PTPRJ: variants seen among roughly 807,000 people sequenced by gnomAD.
The protein encoded by PTPRJ is receptor-type tyrosine-protein phosphatase eta.
In PTPRJ, 129 loss-of-function variants were observed where a neutral mutation model predicts 141.3. That is an observed-to-expected ratio of 0.91 (90% CI 0.79 to 1.06). The LOEUF (loss-of-function observed/expected upper bound fraction) is 1.06, where lower values mean the gene tolerates loss of function less well. Ranked by LOEUF, PTPRJ falls within the 50% of genes least tolerant of loss-of-function variation. The pLI, the probability that PTPRJ is intolerant of heterozygous loss-of-function variation, is 0.00. For synonymous variants in PTPRJ, 610 were observed against 640.5 expected (o/e 0.95, Z 0.72); for missense variants, 1,601 against 1,679.7 (o/e 0.95, Z 0.82).
At chr11:48,146,770 A>T in intron 14 of PTPRJ, 106 bp from the exon 15 acceptor site, 1 of 812,928 alleles carries the variant, frequency 1.2e-6, no homozygotes, top group Non-Finnish European at 2.2e-6. Flanking sequence ...TGTGTATGGT[A>T]TACACACTTT....
At chr11:48,076,776 G>A (rs1277670306) in intron 1 of PTPRJ, among the ~76,000 whole-genome samples, 2 of 147,768 alleles carry the variant, frequency 1.4e-5, no homozygotes, top group Non-Finnish European at 3.0e-5. Flanking sequence ...ACATAAGCCA[G>A]TGAAGTTCCA....
chr11:48,139,697 G>T lies in PTPRJ; in HGVS notation c.2364G>T (p.Ser788=). 1 of 1,614,060 alleles carries T rather than the reference G, an allele frequency of 6.2e-7. No individual in the cohort carries two copies. Among genetic ancestry groups the T allele is most frequent in the East Asian group, 2.2e-5 (1 of 44,870 alleles). ...TEVTYLNFST[S]YNISITTVSC... ...TCACGTATTTGAATTTTTCTACCTC[G>T]TACAACATCAGCATCACCACTGTGT... is the stretch of plus-strand genomic sequence containing the variant. Residue 788 remains serine (S), a synonymous_variant, in exon 11 of 25, where the codon TCG becomes TCT. Transcript: ENST00000418331.
At position 48,139,684 on chromosome 11, in the gene PTPRJ, AT is replaced by A; in HGVS notation, c.2356del (p.Ser786LeufsTer48). 1 of 1,614,014 alleles carries A rather than the reference AT, an allele frequency of 6.2e-7. No homozygotes were observed. The highest frequency in any genetic ancestry group is 8.5e-7 in the Non-Finnish European group (1 of 1,179,994). The stretch of plus-strand genomic sequence containing the variant: ...TATAGAACGGAAGTCACGTATTTGA[AT>A]TTTTCTACCTCGTACAACATCAGCA... ...TEYRTEVTYL[N>X]FSTSYNISIT... is the part of the protein sequence containing the mutation. On this transcript the variant is annotated frameshift_variant, in exon 11 of 25. Coordinates refer to ENST00000418331, the MANE Select transcript of PTPRJ (RefSeq NM_002843.4). LOFTEE classifies it high-confidence loss of function.
At chr11:48,141,384 G>A (rs956133889) in intron 11 of PTPRJ, among the ~76,000 whole-genome samples, 3 of 151,844 alleles carry the variant, frequency 2.0e-5, no homozygotes, top group Non-Finnish European at 4.4e-5. Flanking sequence ...GTCCTGTGGG[G>A]GCTTTTCTGG....
intron 1 of PTPRJ, among the ~76,000 whole-genome samples, chr11:48,025,218 C>G (rs1012767583): frequency 6.6e-6 from 1 of 152,120 alleles, no homozygotes; most frequent in Non-Finnish European, 1.5e-5. Context: ...GATAAATGGG[C>G]AGTTGCTGTT....
intron 1 of PTPRJ, among the ~76,000 whole-genome samples, chr11:47,994,536 T>G (rs547900816): frequency 6.6e-6 from 1 of 152,124 alleles, no homozygotes; most frequent in Non-Finnish European, 1.5e-5. Flanking sequence ...TGGTCCCAGC[T>G]GTTTGGGAGG....
rs1269669018 is a variant in PTPRJ at position 48,030,156 on chromosome 11, G to A, written c.96+49148G>A. ...GTTTTGTCTTTTATGGAGTTGGTTGGGATTAAGAAGTGGGGGCAGGGTCAT... is the reference window on the plus strand; with the variant it reads ...GTTTTGTCTTTTATGGAGTTGGTTGAGATTAAGAAGTGGGGGCAGGGTCAT... On this transcript the variant is annotated intron_variant, in intron 1 of 24. Transcript: ENST00000418331. Among the ~76,000 whole-genome samples the A allele has an allele frequency of 2.6e-5, 4 of 152,190 alleles. No individual in the cohort carries two copies. The East Asian group carries it at 7.7e-4, about 29-fold the overall frequency.
intron 1 of PTPRJ, among the ~76,000 whole-genome samples, chr11:48,064,914 C>CCCGGCTCT (rs1855043755): frequency 1.3e-5 from 2 of 151,752 alleles, no homozygotes; most frequent in East Asian, 3.9e-4. Flanking sequence ...AGCCACTGCG[C>CCCGGCTCT]CCGGCTCTGA....
intron 22 of PTPRJ, among the ~76,000 whole-genome samples, chr11:48,162,754 G>A (rs1857818607): frequency 6.6e-6 from 1 of 152,162 alleles, no homozygotes; most frequent in Non-Finnish European, 1.5e-5. Flanking sequence ...GACAGGACTC[G>A]CCCCAGCTGG....
chr11:48,139,115 A>G (rs960326855), intron 10 of PTPRJ, among the ~76,000 whole-genome samples: 1 of 152,182 alleles, frequency 6.6e-6, no homozygotes, highest in Non-Finnish European at 1.5e-5. Flanking sequence ...CCTGGTCGAC[A>G]GAGCGAGACT....
chr11:48,145,248 C>A, intron 14 of PTPRJ, 124 bp downstream of exon 14: 5 of 1,360,908 alleles, frequency 3.7e-6, no homozygotes, highest in Non-Finnish European at 5.1e-6. Flanking sequence ...CAGCTCTCCC[C>A]TCCCAGAGGT....
At chr11:48,053,151 AATAT>A (rs1293299699) in intron 1 of PTPRJ, among the ~76,000 whole-genome samples, 2 of 114,546 alleles carry the variant, frequency 1.7e-5, no homozygotes, top group African/African-American at 6.8e-5. Flanking sequence ...TATAAAAATA[AATAT>A]ATATTATATA....
intron 1 of PTPRJ, among the ~76,000 whole-genome samples, chr11:48,033,449 G>A (rs974587942): frequency 2.0e-5 from 3 of 152,170 alleles, no homozygotes; most frequent in African/African-American, 4.8e-5. Context: ...TAAGATCACC[G>A]TCATGTGAGA....
At chr11:48,086,912 G>T (rs1264561890) in intron 1 of PTPRJ, among the ~76,000 whole-genome samples, 1 of 152,098 alleles carries the variant, frequency 6.6e-6, no homozygotes, top group East Asian at 1.9e-4. Flanking sequence ...CTGAGGAAAT[G>T]CATACTTTGA....
Position 47,980,606 on chromosome 11 carries a change from G to A in PTPRJ, c.-307G>A, listed in dbSNP as rs899786790. ...GAGGAGGCAGCGGGAGCAGCCGCGG[G>A]AGCCGGGACCGGGTAGCCGCGCGCT... On this transcript the variant is annotated 5_prime_UTR_variant, in exon 1 of 25. Coordinates refer to ENST00000418331, the MANE Select transcript of PTPRJ (RefSeq NM_002843.4). 5 of 983,334 alleles carry A rather than the reference G, an allele frequency of 5.1e-6. No individual in the cohort carries two copies. The highest frequency in any genetic ancestry group is 4.8e-6 in the Non-Finnish European group (4 of 829,490). 60.9% of individuals were successfully genotyped at this position (983,334 alleles called of 1,614,324 possible). A position where few individuals can be genotyped will look rare whatever the true frequency, so the allele number is the denominator to read the frequency against.
chr11:48,049,339 T>G (rs1854491376), intron 1 of PTPRJ, among the ~76,000 whole-genome samples: 1 of 151,782 alleles, frequency 6.6e-6, no homozygotes, highest in Admixed American at 6.6e-5. Flanking sequence ...TTTCAAACCC[T>G]AAGCCAGGAT....
chr11:48,122,489 G>A (rs982514421), intron 4 of PTPRJ, among the ~76,000 whole-genome samples: 1 of 152,160 alleles, frequency 6.6e-6, no homozygotes, highest in African/African-American at 2.4e-5. Context: ...TGTCCTTAAT[G>A]TTATTTTGTC....
At chr11:48,072,517 G>A (rs946046897) in intron 1 of PTPRJ, among the ~76,000 whole-genome samples, 6 of 152,190 alleles carry the variant, frequency 3.9e-5, no homozygotes, top group Admixed American at 1.3e-4. Flanking sequence ...GTGGCAAGAA[G>A]TATCAAACTA....
chr11:48,027,929 G>C, intron 1 of PTPRJ, among the ~76,000 whole-genome samples: 1 of 151,262 alleles, frequency 6.6e-6, no homozygotes, highest in Non-Finnish European at 1.5e-5. Context: ...TCCCAAGTTT[G>C]CCTGCATCCA....
Sources: allele counts gnomAD v4.1 joint callset (sites outside exome capture counted in the v4.1 genomes callset), GRCh38; gene constraint gnomAD v4.1.1; transcripts MANE v1.5; gene names NCBI Gene and HGNC (gene_info 2026-07-23, HGNC 2026-07-21).